The following DLG2 variants were observed in gnomAD, a reference collection of about 807,000 sequenced individuals.
The protein encoded by DLG2 is disks large homolog 2.
A neutral mutation model predicts 132.5 loss-of-function variants in DLG2; 45 were observed. That is an observed-to-expected ratio of 0.34 (90% CI 0.27 to 0.44). The LOEUF (loss-of-function observed/expected upper bound fraction) is 0.44, where lower values mean the gene tolerates loss of function less well. DLG2 is among the 20% of genes least tolerant of loss of function. The probability of loss-of-function intolerance (pLI) is 1.00; values close to 1 mark genes in which losing one functional copy is unlikely to be tolerated. For missense variants in DLG2, 1,045 were observed against 1,196.9 expected (o/e 0.87, Z 1.87); for synonymous variants, 424 against 419.6 (o/e 1.01, Z -0.13).
chr11:84,106,921 TGTGTGTGTGTGA>T (rs1156846104), intron 9 of DLG2, among the ~76,000 whole-genome samples: 6 of 57,688 alleles, frequency 1.0e-4, no homozygotes, highest in East Asian at 4.2e-4. Context: ...GTGAGAGAAG[TGTGTGTGTGTGA>T]GTGTGTGTGT....
chr11:83,987,316 T>C (rs1437766887), intron 11 of DLG2, among the ~76,000 whole-genome samples: 1 of 152,032 alleles, frequency 6.6e-6, no homozygotes, highest in Non-Finnish European at 1.5e-5. Flanking sequence ...AAGCTACCAA[T>C]GACTTTCTTC....
chr11:85,142,305 T>C (rs1414241994), intron 5 of DLG2, among the ~76,000 whole-genome samples: 1 of 151,870 alleles, frequency 6.6e-6, no homozygotes, highest in African/African-American at 2.4e-5. Flanking sequence ...AGGCATATTA[T>C]TTTATTTGTA....
chr11:83,500,212 G>A (rs1272614888), intron 21 of DLG2, among the ~76,000 whole-genome samples: 1 of 151,878 alleles, frequency 6.6e-6, no homozygotes, highest in Non-Finnish European at 1.5e-5. Context: ...CACAATGCCT[G>A]GATTATGCAT....
intron 6 of DLG2, among the ~76,000 whole-genome samples, chr11:84,952,503 C>G (rs907210818): frequency 2.7e-5 from 4 of 150,184 alleles, no homozygotes; most frequent in Admixed American, 2.7e-4. Context: ...GGCGACAGAA[C>G]GAGACTCCGT....
At chr11:83,535,309 T>C (rs1168467474) in intron 20 of DLG2, among the ~76,000 whole-genome samples, 1 of 152,194 alleles carries the variant, frequency 6.6e-6, no homozygotes, top group African/African-American at 2.4e-5. Flanking sequence ...AATACATGGT[T>C]ATTTGATCAG....
intron 7 of DLG2, among the ~76,000 whole-genome samples, chr11:84,460,374 T>C (rs2099077219): frequency 6.6e-6 from 1 of 150,596 alleles, no homozygotes; most frequent in Non-Finnish European, 1.5e-5. Context: ...TTAATATTGC[T>C]TCATCAAGCA....
intron 17 of DLG2, among the ~76,000 whole-genome samples, chr11:83,831,526 G>A (rs2054508193): frequency 6.6e-6 from 1 of 151,944 alleles, no homozygotes; most frequent in South Asian, 2.1e-4. Flanking sequence ...GTGTGTGTGT[G>A]TATGTCAGAG....
intron 11 of DLG2, among the ~76,000 whole-genome samples, chr11:84,031,825 A>G (rs1566120780): frequency 6.6e-6 from 1 of 152,112 alleles, no homozygotes; most frequent in African/African-American, 2.4e-5. Context: ...AAGCATGTCT[A>G]TTGGCACCAT....
intron 6 of DLG2, among the ~76,000 whole-genome samples, chr11:84,760,250 T>G (rs2067429991): frequency 6.6e-6 from 1 of 152,236 alleles, no homozygotes; most frequent in South Asian, 2.1e-4. Flanking sequence ...TAGTAAATGA[T>G]GTTCTCTATC....
intron 6 of DLG2, among the ~76,000 whole-genome samples, chr11:84,857,331 A>T (rs764089722): frequency 3.9e-5 from 6 of 151,924 alleles, no homozygotes; most frequent in Non-Finnish European, 8.8e-5. Context: ...TCCAGAAGAG[A>T]TGAGAAGGTA....
At chr11:84,928,009 A>G (rs141680254) in intron 6 of DLG2, among the ~76,000 whole-genome samples, 1 of 152,098 alleles carries the variant, frequency 6.6e-6, no homozygotes, top group Non-Finnish European at 1.5e-5. Context: ...GAAGAAAGAG[A>G]GGAAAATTGA....
At position 83,477,335 on chromosome 11, in the gene DLG2, T is replaced by G. The variant is rs370262685; in HGVS notation, c.2294-4558A>C. ...AGAATTAGCCTATAATTAAGATAGT[T>G]TTGAGGTGGTGTTTTGCACAATTAG... On this transcript the variant is annotated intron_variant, in intron 22 of 27. Coordinates refer to ENST00000376104, the MANE Select transcript of DLG2 (RefSeq NM_001142699.3). Among the ~76,000 whole-genome samples the G allele has an allele frequency of 9.9e-5, 15 of 152,138 alleles. No homozygotes were observed. The East Asian group carries it at 1.5e-3, about 16-fold the overall frequency.
chr11:84,373,265 C>CAAACA (rs762481478), intron 7 of DLG2, among the ~76,000 whole-genome samples: 2 of 98,090 alleles, frequency 2.0e-5, no homozygotes, highest in African/African-American at 9.1e-5. Context: ...AAAAAAAAAA[C>CAAACA]AAAACAAAAA....
chr11:83,514,387 G>A (rs1373126653), intron 21 of DLG2, among the ~76,000 whole-genome samples: 2 of 152,192 alleles, frequency 1.3e-5, no homozygotes, highest in Admixed American at 1.3e-4. Context: ...TTTGTATCCT[G>A]AGACTTTGCT....
chr11:84,799,989 C>A (rs929480268), intron 6 of DLG2, among the ~76,000 whole-genome samples: 2 of 152,128 alleles, frequency 1.3e-5, no homozygotes, highest in Admixed American at 6.5e-5. Flanking sequence ...TCTCAAAATA[C>A]CTCTATAGAA....
intron 7 of DLG2, among the ~76,000 whole-genome samples, chr11:84,446,359 G>A (rs970924815): frequency 1.8e-4 from 27 of 151,918 alleles, no homozygotes; most frequent in African/African-American, 5.8e-4. Flanking sequence ...TTTCCTGAAC[G>A]TCTAATCTCA....
At chr11:84,187,521 C>T (rs2076384150) in intron 8 of DLG2, among the ~76,000 whole-genome samples, 1 of 152,116 alleles carries the variant, frequency 6.6e-6, no homozygotes, top group South Asian at 2.1e-4. Context: ...CTGTTTCACC[C>T]AATTGCTGTT....
rs186171028 is a variant in DLG2 at position 85,540,933 on chromosome 11, T to C, written c.40+57724A>G. ...CCCATTTCAATACAAATTATAATAG[T>C]TGGAAAACAACTTTTGTTACCACCC... On this transcript the variant is annotated intron_variant, in intron 3 of 27. Coordinates refer to ENST00000376104, the MANE Select transcript of DLG2 (RefSeq NM_001142699.3). Among the ~76,000 whole-genome samples, 324 of 152,336 alleles carry C rather than the reference T, an allele frequency of 2.1e-3. 3 individuals are homozygous for C. The highest frequency in any genetic ancestry group is 4.0e-3 in the Non-Finnish European group (270 of 68,030).
intron 18 of DLG2, among the ~76,000 whole-genome samples, chr11:83,651,235 A>C (rs1165573939): frequency 6.6e-6 from 1 of 152,178 alleles, no homozygotes; most frequent in South Asian, 2.1e-4. Context: ...GGTTAAAAAA[A>C]AATCTCAGAT....
Sources: gnomAD v4.1 joint callset for allele counts (sites outside exome capture counted in the v4.1 genomes callset) on GRCh38, gnomAD v4.1.1 for gene constraint, MANE v1.5 for transcripts, NCBI Gene and HGNC (gene_info 2026-07-23, HGNC 2026-07-21) for gene names.